Variants in FANCM observed in about 807,000 individuals in gnomAD.
FANCM encodes Fanconi anemia group M protein.
In FANCM, 140 loss-of-function variants were observed where a neutral mutation model predicts 199.5. The observed-to-expected ratio is 0.70, with a 90% CI of 0.61 to 0.81. FANCM has a LOEUF of 0.81. FANCM is among the 30% of genes least tolerant of loss of function. FANCM has a pLI of 0.00. For missense variants in FANCM, 2,410 were observed against 2,421.4 expected, an observed-to-expected ratio of 1.00 and a Z score of 0.10; for synonymous variants, 840 against 836.8, an observed-to-expected ratio of 1.00 and a Z score of -0.07.
At chr14:45,153,832 T>TA in intron 5 of FANCM, 88 bp from the exon 6 acceptor site, 1 of 980,372 alleles carries the variant, frequency 1.0e-6, no homozygotes. Flanking sequence ...TTATAAATGT[T>TA]ACACTGACTA....
intron 22 of FANCM, among the ~76,000 whole-genome samples, chr14:45,199,364 T>C (rs564066757): frequency 3.1e-4 from 47 of 152,332 alleles, no homozygotes; most frequent in African/African-American, 1.1e-3. Flanking sequence ...CATGCTGCAA[T>C]GATAAAATAC....
At chr14:45,138,888 T>A (rs984800000) in intron 2 of FANCM, among the ~76,000 whole-genome samples, 3 of 152,242 alleles carry the variant, frequency 2.0e-5, no homozygotes, top group Admixed American at 1.3e-4. Context: ...TTCTACAAGA[T>A]GCTTGAGAAT....
chr14:45,139,319 A>G (rs565222882), intron 2 of FANCM, among the ~76,000 whole-genome samples: 17 of 152,352 alleles, frequency 1.1e-4, no homozygotes, highest in Non-Finnish European at 2.5e-4. Flanking sequence ...TTCAGTATTA[A>G]TCAAGATTCA....
intron 11 of FANCM, among the ~76,000 whole-genome samples, chr14:45,169,941 C>A: frequency 6.6e-6 from 1 of 152,144 alleles, no homozygotes. Flanking sequence ...GATACATACT[C>A]CTTTTAAAAG....
chr14:45,173,444 A>T (rs533722974), intron 13 of FANCM, among the ~76,000 whole-genome samples: 1 of 152,156 alleles, frequency 6.6e-6, no homozygotes, highest in East Asian at 1.9e-4. Context: ...ATATACTTAA[A>T]TGATTTATGT....
intron 8 of FANCM, among the ~76,000 whole-genome samples, chr14:45,157,637 T>G (rs1041850395): frequency 2.6e-5 from 4 of 152,190 alleles, no homozygotes; most frequent in Non-Finnish European, 4.4e-5. Flanking sequence ...ATACAGGTTT[T>G]GTGATGAAAG....
At position 45,170,671 on chromosome 14, in the gene FANCM, G is replaced by C. The variant is rs368303133; in HGVS notation, c.2085G>C (p.Arg695Ser). The part of the protein sequence containing the change: ...FKLWNRLYRL[R>S]DSDEIKEITL... The stretch of plus-strand genomic sequence containing the variant: ...TATGGAACAGACTTTATAGATTAAG[G>C]GACAGTGATGAAATTAAAGAGATAA... The change falls in exon 12 of 23, where the codon AGG becomes AGC. Residue 695 changes from arginine (R) to serine (S), a missense_variant. Coordinates refer to ENST00000267430, the MANE Select transcript of FANCM (RefSeq NM_020937.4). 1.0e-5 allele frequency: 16 copies of C among 1,605,006 alleles called. No homozygotes were observed. In the Middle Eastern group the frequency reaches 4.9e-4, roughly 50 times the overall value.
Position 45,196,307 on chromosome 14 carries a change from G to A in FANCM, c.5476G>A (p.Glu1826Lys), listed in dbSNP as rs1354153410. 2 of 1,614,124 alleles carry A rather than the reference G, an allele frequency of 1.2e-6. No individual in the cohort carries two copies. Among genetic ancestry groups the A allele is most frequent in the South Asian group, 2.2e-5 (2 of 91,070 alleles). ...AACCTGTATTCTTGTAGGTGGTCATGAAATCACTTCTGGATTAGAAGTAAT... is the reference window on the plus strand; with the variant it reads ...AACCTGTATTCTTGTAGGTGGTCATAAAATCACTTCTGGATTAGAAGTAAT... Reference protein sequence around the residue: ...KGTCILVGGHEITSGLEVISS... With the variant: ...KGTCILVGGHKITSGLEVISS... The change falls in exon 21 of 23, where the codon GAA (glutamate) becomes AAA (lysine). Residue 1826 changes from glutamate (E) to lysine (K), a missense_variant. Coordinates refer to ENST00000267430, the MANE Select transcript of FANCM (RefSeq NM_020937.4).
At chr14:45,154,398 TAAAA>T (rs5808292) in intron 6 of FANCM, among the ~76,000 whole-genome samples, 1 of 125,994 alleles carries the variant, frequency 7.9e-6, no homozygotes, top group Admixed American at 8.1e-5. Context: ...GAGACTGTCT[TAAAA>T]AAAAAAAAAA....
At chr14:45,165,216 A>G (rs1887882309) in intron 10 of FANCM, among the ~76,000 whole-genome samples, 1 of 152,208 alleles carries the variant, frequency 6.6e-6, no homozygotes, top group Admixed American at 6.5e-5. Flanking sequence ...TCAGCAGCCA[A>G]ATATATAGAT....
chr14:45,188,367 C>T (rs917356871), intron 19 of FANCM, among the ~76,000 whole-genome samples: 12 of 151,876 alleles, frequency 7.9e-5, no homozygotes, highest in Non-Finnish European at 4.4e-5. Context: ...CCTTTTTTGT[C>T]CTTGGTTGAT....
At chr14:45,156,386 A>G (rs1887191218) in intron 8 of FANCM, among the ~76,000 whole-genome samples, 1 of 152,138 alleles carries the variant, frequency 6.6e-6, no homozygotes, top group South Asian at 2.1e-4. Flanking sequence ...GCAAAACCAA[A>G]CAGAGGTATT....
intron 9 of FANCM, among the ~76,000 whole-genome samples, chr14:45,159,549 C>T (rs1461112913): frequency 6.6e-6 from 1 of 151,972 alleles, no homozygotes; most frequent in African/African-American, 2.4e-5. Flanking sequence ...CCTGACTCTA[C>T]CACTTAAAAG....
At chr14:45,169,441 C>T (rs1399029863) in intron 11 of FANCM, among the ~76,000 whole-genome samples, 1 of 149,990 alleles carries the variant, frequency 6.7e-6, no homozygotes, top group African/African-American at 2.5e-5. Flanking sequence ...GCTTCTTACA[C>T]AAGTTTGGAA....
At chr14:45,161,442 T>C (rs1887600145) in intron 9 of FANCM, among the ~76,000 whole-genome samples, 1 of 152,172 alleles carries the variant, frequency 6.6e-6, no homozygotes. Flanking sequence ...TGAGAAGTTC[T>C]TGGAGAGTTT....
chr14:45,172,956 T>C, intron 12 of FANCM, 99 bp from the exon 13 acceptor site: 4 of 876,770 alleles, frequency 4.6e-6, no homozygotes, highest in Non-Finnish European at 7.4e-6. Context: ...GGATCCAAAT[T>C]ATGTTAAGCT....
In FANCM at chr14:45,154,000, G is replaced by A. The variant is rs760935075; in HGVS notation, c.1131G>A (p.Met377Ile). The A allele has an allele frequency of 3.2e-5, 51 of 1,585,440 alleles. No individual in the cohort carries two copies. The highest frequency in any genetic ancestry group is 4.2e-5 in the Non-Finnish European group (48 of 1,154,034). ...ATGGTTATGAATTATTGCAGCAAAT[G>A]GGAATGAGATCATTATATTTCTTCC... ...LYHGYELLQQ[M>I]GMRSLYFFLC... Residue 377 changes from methionine (M) to isoleucine (I), a missense_variant, in exon 6 of 23, where the codon ATG (methionine) becomes ATA (isoleucine). Transcript: ENST00000267430.
Position 45,135,958 on chromosome 14 carries a change from G to A in FANCM, c.-74G>A, listed in dbSNP as rs1885450638. 2 of 1,519,678 alleles carry A rather than the reference G, an allele frequency of 1.3e-6. No individual in the cohort carries two copies. The highest frequency in any genetic ancestry group is 1.4e-5 in the African/African-American group (1 of 73,140). The allele number at this position is 1,519,678 out of a possible 1,614,324, so 94.1% of individuals were successfully genotyped here. On this transcript the variant is annotated 5_prime_UTR_variant, in exon 1 of 23. Transcript: ENST00000267430. ...GAGTTTTGTGCGAAGGAAACCGATGGGGATCGGAACCGTAGCGGTTGAGCT... is the reference window on the plus strand; with the variant it reads ...GAGTTTTGTGCGAAGGAAACCGATGAGGATCGGAACCGTAGCGGTTGAGCT...
chr14:45,199,308 T>C (rs1347134295), intron 22 of FANCM, among the ~76,000 whole-genome samples: 3 of 152,206 alleles, frequency 2.0e-5, no homozygotes, highest in Non-Finnish European at 4.4e-5. Flanking sequence ...GATTTTAGAA[T>C]GTAGTTCATT....
Sources: allele counts gnomAD v4.1 joint callset (sites outside exome capture counted in the v4.1 genomes callset), GRCh38; gene constraint gnomAD v4.1.1; transcripts MANE v1.5; gene names NCBI Gene and HGNC (gene_info 2026-07-23, HGNC 2026-07-21).